Variants in TTC7B observed in about 807,000 individuals in gnomAD.
TTC7B encodes tetratricopeptide repeat protein 7B.
In TTC7B, 28 loss-of-function variants were observed where a neutral mutation model predicts 106.8. That is an observed-to-expected ratio of 0.26 (90% CI 0.19 to 0.36). The LOEUF (loss-of-function observed/expected upper bound fraction) is 0.36. Among genes scored for constraint, TTC7B ranks in the 10% least tolerant of loss-of-function variants. The pLI is 1.00. For synonymous variants in TTC7B, 405 were observed against 430.6 expected, an observed-to-expected ratio of 0.94 and a Z score of 0.74; for missense variants, 862 against 1,076.4, an observed-to-expected ratio of 0.80 and a Z score of 2.79.
At chr14:90,703,391 A>T (rs1888076083) in intron 5 of TTC7B, among the ~76,000 whole-genome samples, 1 of 152,212 alleles carries the variant, frequency 6.6e-6, no homozygotes, top group African/African-American at 2.4e-5. Flanking sequence ...AAAAGGCAGA[A>T]AGGATGTCAA....
intron 19 of TTC7B, among the ~76,000 whole-genome samples, chr14:90,547,157 AGACATAGATGAAG>A (rs1323777707): frequency 6.6e-6 from 1 of 152,242 alleles, no homozygotes; most frequent in East Asian, 1.9e-4. Context: ...CCCTTTCTTC[AGACATAGATGAAG>A]GCTGCCTCCC....
chr14:90,671,411 G>C (rs1886626744), intron 9 of TTC7B, among the ~76,000 whole-genome samples: 1 of 152,122 alleles, frequency 6.6e-6, no homozygotes, highest in Non-Finnish European at 1.5e-5. Context: ...TATGGAGGGG[G>C]GACACACACA....
chr14:90,701,689 CGTATATATAT>C (rs138841574), intron 5 of TTC7B, among the ~76,000 whole-genome samples: 48,798 of 143,758 alleles, frequency 0.34, 8,238 homozygotes, highest in Middle Eastern at 0.42. Flanking sequence ...CCAAAAGAAA[CGTATATATAT>C]ATATATATAT....
chr14:90,558,543 C>G (rs1890424652), intron 19 of TTC7B, among the ~76,000 whole-genome samples: 1 of 152,276 alleles, frequency 6.6e-6, no homozygotes, highest in Admixed American at 6.5e-5. Flanking sequence ...CAGGGTTTGG[C>G]ATTCACTATT....
intron 19 of TTC7B, among the ~76,000 whole-genome samples, chr14:90,572,074 A>C (rs932042247): frequency 3.9e-5 from 6 of 152,178 alleles, no homozygotes; most frequent in Admixed American, 1.3e-4. Context: ...AATTTAAGAG[A>C]CGAGAGAGAG....
intron 18 of TTC7B, among the ~76,000 whole-genome samples, chr14:90,592,865 T>A (rs539119095): frequency 6.6e-6 from 1 of 152,150 alleles, no homozygotes; most frequent in African/African-American, 2.4e-5. Flanking sequence ...GCTGTCTCTC[T>A]ATGAAATTAC....
intron 19 of TTC7B, among the ~76,000 whole-genome samples, chr14:90,548,988 C>T (rs867415603): frequency 2.6e-5 from 4 of 152,026 alleles, no homozygotes; most frequent in Admixed American, 1.3e-4. Flanking sequence ...ATTAGCTGGG[C>T]GTGGTGGCGG....
chr14:90,631,532 C>T (rs1368649630), intron 15 of TTC7B, among the ~76,000 whole-genome samples: 1 of 151,846 alleles, frequency 6.6e-6, no homozygotes, highest in Non-Finnish European at 1.5e-5. Flanking sequence ...CCTTAGCCAC[C>T]CGAGAAGCTG....
chr14:90,628,430 A>C (rs1107073), intron 15 of TTC7B, among the ~76,000 whole-genome samples: 58,508 of 151,910 alleles, frequency 0.39, 11,497 homozygotes, highest in Middle Eastern at 0.48. Context: ...TCTCCACATG[A>C]CCCAGTTTGA....
intron 15 of TTC7B, among the ~76,000 whole-genome samples, chr14:90,618,614 C>T (rs1893184166): frequency 1.3e-5 from 2 of 152,346 alleles, no homozygotes; most frequent in Non-Finnish European, 2.9e-5. Flanking sequence ...CTAGGTCTCT[C>T]TTCTGTATTT....
intron 1 of TTC7B, among the ~76,000 whole-genome samples, chr14:90,792,049 C>G (rs1200773593): frequency 6.6e-6 from 1 of 152,166 alleles, no homozygotes; most frequent in Admixed American, 6.5e-5. Flanking sequence ...CAGAACCCAA[C>G]TGAGGGCCTT....
At chr14:90,766,758 G>C (rs995606750) in intron 3 of TTC7B, 39 of 1,570,600 alleles carry the variant, frequency 2.5e-5, no homozygotes, top group Non-Finnish European at 3.4e-5. Context: ...ATCCATGCCA[G>C]TACAAGATCC....
At position 90,787,193 on chromosome 14, in the gene TTC7B, T is replaced by C. The variant is rs973093215; in HGVS notation, c.122-865A>G. Among the ~76,000 whole-genome samples the C allele has an allele frequency of 1.1e-4, 16 of 152,350 alleles. No homozygotes were observed. The East Asian group carries it at 3.1e-3, about 29-fold the overall frequency. Reference sequence around the variant, plus strand: ...TAACTATACAGATATCTGGGAATGCTTGCATGAAGCTTTTACTCCCGAGAG... The same window carrying C: ...TAACTATACAGATATCTGGGAATGCCTGCATGAAGCTTTTACTCCCGAGAG... On this transcript the variant is annotated intron_variant, in intron 1 of 19. Transcript: ENST00000328459.
chr14:90,565,441 T>C (rs12893253), intron 19 of TTC7B, among the ~76,000 whole-genome samples: 50,943 of 145,352 alleles, frequency 0.35, 9,958 homozygotes, highest in Admixed American at 0.44. Context: ...CTTGCTCTGT[T>C]GCCAGGCTAG....
intron 15 of TTC7B, among the ~76,000 whole-genome samples, chr14:90,635,493 G>A (rs1325460926): frequency 1.3e-5 from 2 of 152,074 alleles, no homozygotes; most frequent in Non-Finnish European, 2.9e-5. Context: ...GGGCGCAGTG[G>A]TTCACGCCTG....
intron 19 of TTC7B, among the ~76,000 whole-genome samples, chr14:90,552,910 C>G (rs1000800023): frequency 1.3e-5 from 2 of 152,236 alleles, no homozygotes; most frequent in African/African-American, 4.8e-5. Context: ...GTTAGCCAAA[C>G]AAACGCCCCC....
At chr14:90,602,086 C>T (rs1014121931) in intron 17 of TTC7B, 1 of 455,728 alleles carries the variant, frequency 2.2e-6, no homozygotes, top group Non-Finnish European at 4.4e-6. Context: ...GTGGAATCAA[C>T]TCTTAAGGGT....
intron 15 of TTC7B, among the ~76,000 whole-genome samples, chr14:90,628,425 A>G (rs931822987): frequency 6.6e-6 from 1 of 152,174 alleles, no homozygotes; most frequent in Non-Finnish European, 1.5e-5. Flanking sequence ...TGATTTCTCC[A>G]CATGACCCAG....
chr14:90,738,196 G>C (rs1650919422), intron 4 of TTC7B, among the ~76,000 whole-genome samples: 1 of 152,104 alleles, frequency 6.6e-6, no homozygotes, highest in Admixed American at 6.6e-5. Flanking sequence ...CAAAAAATGT[G>C]AACTAAACTT....
Sources: allele counts gnomAD v4.1 joint callset (sites outside exome capture counted in the v4.1 genomes callset), GRCh38; gene constraint gnomAD v4.1.1; transcripts MANE v1.5; gene names NCBI Gene and HGNC (gene_info 2026-07-23, HGNC 2026-07-21).